Variants in YTHDC2 observed in about 807,000 individuals in gnomAD.
YTHDC2 encodes the protein 3'-5' RNA helicase YTHDC2.
A neutral mutation model predicts 174.9 loss-of-function variants in YTHDC2; 45 were observed. That is an observed-to-expected ratio of 0.26 (90% CI 0.20 to 0.33). YTHDC2 has a LOEUF of 0.33. YTHDC2 is among the 10% of genes least tolerant of loss of function. The pLI is 1.00. For synonymous variants in YTHDC2, 657 were observed against 574.5 expected (o/e 1.14, Z -2.05); for missense variants, 1,650 against 1,723.7 (o/e 0.96, Z 0.76).
chr5:113,514,234 C>T, intron 1 of YTHDC2, 152 bp downstream of exon 1: 1 of 976,064 alleles, frequency 1.0e-6, no homozygotes, highest in Non-Finnish European at 1.6e-6. Context: ...CGGCGGCACC[C>T]GGGTCTGGAA....
At chr5:113,551,547 T>G (rs773860516) in intron 12 of YTHDC2, among the ~76,000 whole-genome samples, 3 of 152,048 alleles carry the variant, frequency 2.0e-5, no homozygotes, top group Non-Finnish European at 4.4e-5. Context: ...TCTTAAAATT[T>G]ATAAGAGCTG....
At chr5:113,539,218 C>A in intron 8 of YTHDC2, 37 bp downstream of exon 8, 1 of 923,574 alleles carries the variant, frequency 1.1e-6, no homozygotes, top group East Asian at 3.1e-5. Context: ...AAAGAAATTA[C>A]TATTGATAAT....
At chr5:113,552,295 C>A (rs1245102103) in intron 12 of YTHDC2, among the ~76,000 whole-genome samples, 4 of 151,996 alleles carry the variant, frequency 2.6e-5, no homozygotes, top group Admixed American at 2.0e-4. Context: ...GTTTCATCAC[C>A]ACAAAAAGAA....
intron 23 of YTHDC2, among the ~76,000 whole-genome samples, chr5:113,575,886 T>G (rs545804512): frequency 1.3e-5 from 2 of 152,212 alleles, no homozygotes; most frequent in East Asian, 3.9e-4. Context: ...ATCGCTGATA[T>G]GAAGAGAAGT....
At chr5:113,514,314 C>T in intron 1 of YTHDC2, 2 of 698,946 alleles carry the variant, frequency 2.9e-6, no homozygotes, top group African/African-American at 1.7e-5. Flanking sequence ...CACTTTGCTC[C>T]CTAGCTGAAA....
chr5:113,584,188 A>G lies in YTHDC2; in HGVS notation c.3648-114A>G, dbSNP rs144562228. ...ATAATATTCCATAAATCATAAGATC[A>G]TTGGGACTTTGGATTGAAATGGCAT... is the stretch of plus-strand genomic sequence containing the variant. On this transcript the variant is annotated intron_variant, in intron 25 of 29. Coordinates refer to ENST00000161863, the MANE Select transcript of YTHDC2 (RefSeq NM_022828.5). The G allele has an allele frequency of 2.4e-4, 192 of 803,720 alleles. No individual in the cohort carries two copies. In the African/African-American group the frequency reaches 2.9e-3, roughly 12 times the overall value. The allele number at this position is 803,720 out of a possible 1,614,324, so 49.8% of individuals were successfully genotyped here.
intron 9 of YTHDC2, among the ~76,000 whole-genome samples, chr5:113,541,847 C>A (rs946858338): frequency 6.6e-6 from 1 of 151,854 alleles, no homozygotes; most frequent in Non-Finnish European, 1.5e-5. Context: ...TATAAAAAAA[C>A]ATATAGTATA....
intron 17 of YTHDC2, among the ~76,000 whole-genome samples, chr5:113,560,106 A>G (rs1361959994): frequency 6.6e-6 from 1 of 152,176 alleles, no homozygotes; most frequent in Non-Finnish European, 1.5e-5. Flanking sequence ...TTCATCAAAC[A>G]AGGGCAATTT....
rs902233040 is a variant in YTHDC2, at chr5:113,594,884, A to G, written c.*1410A>G. The G allele has an allele frequency of 6.6e-6, 1 of 152,200 alleles. No individual in the cohort carries two copies. Among genetic ancestry groups the G allele is most frequent in the Non-Finnish European group, 1.5e-5 (1 of 68,030 alleles). The allele number at this position is 152,200 out of a possible 1,614,324, so 9.4% of individuals were successfully genotyped here. On this transcript the variant is annotated 3_prime_UTR_variant, in exon 30 of 30. Coordinates refer to ENST00000161863, the MANE Select transcript of YTHDC2 (RefSeq NM_022828.5). ...TACTTTCTCTGGGAAAGCATTATATAGTGGTGCATTAGTTTAGAAAGTCAG... is the reference window on the plus strand; with the variant it reads ...TACTTTCTCTGGGAAAGCATTATATGGTGGTGCATTAGTTTAGAAAGTCAG...
intron 17 of YTHDC2, among the ~76,000 whole-genome samples, chr5:113,560,303 ATGGC>A (rs1359942389): frequency 3.9e-5 from 6 of 152,346 alleles, no homozygotes; most frequent in Admixed American, 3.9e-4. Flanking sequence ...GGAGGACTAA[ATGGC>A]TGGTGTCATC....
At chr5:113,569,901 A>G (rs911545635) in intron 23 of YTHDC2, among the ~76,000 whole-genome samples, 4 of 152,238 alleles carry the variant, frequency 2.6e-5, no homozygotes, top group Non-Finnish European at 4.4e-5. Context: ...TGGGAATAGC[A>G]TTGAATCTGT....
chr5:113,579,503 A>G (rs1320295481), intron 23 of YTHDC2, 83 bp from the exon 24 acceptor site: 1 of 960,820 alleles, frequency 1.0e-6, no homozygotes, highest in South Asian at 2.1e-5. Context: ...GTTTGTGTAT[A>G]TGAAGCGTAT....
At chr5:113,574,217 G>T (rs1777900000) in intron 23 of YTHDC2, among the ~76,000 whole-genome samples, 1 of 152,098 alleles carries the variant, frequency 6.6e-6, no homozygotes, top group Admixed American at 6.5e-5. Flanking sequence ...CTTCCATAGG[G>T]CTGCTGCGGT....
intron 10 of YTHDC2, among the ~76,000 whole-genome samples, chr5:113,545,727 C>CCT (rs1561654277): frequency 1.2e-5 from 1 of 80,368 alleles, no homozygotes. Flanking sequence ...AATTGATCTC[C>CCT]ATTTTTTTTT....
At chr5:113,529,752 C>G (rs1409659705) in intron 4 of YTHDC2, among the ~76,000 whole-genome samples, 1 of 151,952 alleles carries the variant, frequency 6.6e-6, no homozygotes, top group African/African-American at 2.4e-5. Flanking sequence ...TGTCTGTTGA[C>G]TGTTAAACAT....
chr5:113,543,293 G>A (rs1473496546), intron 10 of YTHDC2, among the ~76,000 whole-genome samples: 2 of 152,202 alleles, frequency 1.3e-5, no homozygotes, highest in African/African-American at 4.8e-5. Context: ...CACTTTTCTT[G>A]TGTTTCCCTT....
At chr5:113,547,171 C>T (rs187020703) in intron 10 of YTHDC2, among the ~76,000 whole-genome samples, 11 of 152,200 alleles carry the variant, frequency 7.2e-5, no homozygotes, top group African/African-American at 2.4e-4. Context: ...TTATTCATAC[C>T]CTTCTGCTCA....
chr5:113,573,880 T>C (rs569273905), intron 23 of YTHDC2, among the ~76,000 whole-genome samples: 28 of 152,176 alleles, frequency 1.8e-4, no homozygotes, highest in Non-Finnish European at 3.5e-4. Context: ...TCATGATTCT[T>C]AGCTTTTTTG....
intron 7 of YTHDC2, among the ~76,000 whole-genome samples, chr5:113,538,139 C>T (rs1190387828): frequency 6.7e-6 from 1 of 148,266 alleles, no homozygotes; most frequent in African/African-American, 2.5e-5. Context: ...GATTTTACCT[C>T]CCGCCTAGCT....
Sources: allele counts gnomAD v4.1 joint callset (sites outside exome capture counted in the v4.1 genomes callset), GRCh38; gene constraint gnomAD v4.1.1; transcripts MANE v1.5; gene names NCBI Gene and HGNC (gene_info 2026-07-23, HGNC 2026-07-21).